REL: variants seen among roughly 807,000 people sequenced by gnomAD.
REL encodes the protein REL proto-oncogene, NF-kB subunit.
A neutral mutation model predicts 45.9 loss-of-function variants in REL; 15 were observed. The ratio of observed to expected loss-of-function variants is 0.33; its 90% confidence interval spans 0.22 to 0.50. The LOEUF is 0.50. Among genes scored for constraint, REL ranks in the 20% least tolerant of loss-of-function variants. The pLI is 0.98. For missense variants in REL, 601 were observed against 715.2 expected (o/e 0.84, Z 1.82); for synonymous variants, 239 against 242.1 (o/e 0.99, Z 0.12).
intron 3 of REL, among the ~76,000 whole-genome samples, chr2:60,896,773 C>G (rs1174282465): frequency 6.6e-6 from 1 of 152,146 alleles, no homozygotes; most frequent in Non-Finnish European, 1.5e-5. Context: ...TCCTGCTTTT[C>G]TGGCTGTTCT....
Position 60,916,953 on chromosome 2 carries a change from T to C in REL, c.471T>C (p.Pro157=). ...GACTGTGTTTTCAAGTTTTTCTCCCTGATGAACATGGTAATTTGACGACTG... is the reference window on the plus strand; with the variant it reads ...GACTGTGTTTTCAAGTTTTTCTCCCCGATGAACATGGTAATTTGACGACTG... ...VVRLCFQVFL[P]DEHGNLTTAL... The change falls in exon 5 of 10, where the codon CCT becomes CCC. Residue 157 remains proline (P), a synonymous_variant. Coordinates refer to ENST00000394479, the MANE Select transcript of REL (RefSeq NM_001291746.2). 1.9e-6 allele frequency: 3 copies of C among 1,613,492 alleles called. No individual in the cohort carries two copies. Among genetic ancestry groups the C allele is most frequent in the Non-Finnish European group, 1.7e-6 (2 of 1,179,508 alleles).
In REL at chr2:60,891,669, T is replaced by C. The variant is rs770040915; in HGVS notation, c.11-14T>C. 1 of 1,587,770 alleles carries C rather than the reference T, an allele frequency of 6.3e-7. No homozygotes were observed. The highest frequency in any genetic ancestry group is 1.1e-5 in the South Asian group (1 of 87,542). ...TTAATCTCACTGACCTCCTCCTTTTTAAAAACTTTTCAGGTGCGTATAACC... is the reference window on the plus strand; with the variant it reads ...TTAATCTCACTGACCTCCTCCTTTTCAAAAACTTTTCAGGTGCGTATAACC... On this transcript the variant is annotated splice_polypyrimidine_tract_variant and intron_variant, in intron 1 of 9. Coordinates refer to ENST00000394479, the MANE Select transcript of REL (RefSeq NM_001291746.2).
Position 60,922,652 on chromosome 2 carries a change from G to T in REL, c.*117G>T. The T allele has an allele frequency of 7.3e-7, 1 of 1,361,434 alleles. No homozygotes were observed. Among genetic ancestry groups the T allele is most frequent in the Admixed American group, 3.2e-5 (1 of 31,120 alleles). 84.3% of individuals were successfully genotyped at this position (1,361,434 alleles called of 1,614,324 possible). ...ATACTGTATATATAATACTGACTGAGAATATAATACTGTATTTGAGAATAT... is the reference window on the plus strand; with the variant it reads ...ATACTGTATATATAATACTGACTGATAATATAATACTGTATTTGAGAATAT... On this transcript the variant is annotated 3_prime_UTR_variant, in exon 10 of 10. Coordinates refer to ENST00000394479, the MANE Select transcript of REL (RefSeq NM_001291746.2).
intron 4 of REL, among the ~76,000 whole-genome samples, 180 bp downstream of exon 4, chr2:60,901,263 C>G (rs1335650034): frequency 6.9e-6 from 1 of 145,134 alleles, no homozygotes; most frequent in Non-Finnish European, 1.5e-5. Context: ...TCAAGCAATT[C>G]TCCTGCCTCA....
chr2:60,903,247 T>A (rs986016241), intron 4 of REL, among the ~76,000 whole-genome samples: 2 of 152,238 alleles, frequency 1.3e-5, no homozygotes, highest in Admixed American at 1.3e-4. Flanking sequence ...CCAAGACTTT[T>A]GTTATTTAAC....
Position 60,927,177 on chromosome 2 carries a change from T to C in REL, c.*4642T>C, listed in dbSNP as rs1674287119. 4.4e-6 allele frequency: 1 copy of C among 225,940 alleles called. No individual in the cohort carries two copies. The highest frequency in any genetic ancestry group is 8.8e-6 in the Non-Finnish European group (1 of 113,628). 14.0% of individuals were successfully genotyped at this position (225,940 alleles called of 1,614,324 possible). ...CCAGCACCCAGCATAGTCCCTAGTA[T>C]ACTAGTTGGTGCTGAATAAATAGTA... On this transcript the variant is annotated 3_prime_UTR_variant, in exon 10 of 10. Transcript: ENST00000394479.
intron 4 of REL, among the ~76,000 whole-genome samples, chr2:60,915,139 C>G (rs1387785870): frequency 6.6e-6 from 1 of 151,958 alleles, no homozygotes. Context: ...CCAGTTTGTT[C>G]TCTTTTATTG....
chr2:60,894,143 A>G (rs1673289199), intron 2 of REL, among the ~76,000 whole-genome samples: 1 of 152,162 alleles, frequency 6.6e-6, no homozygotes, highest in South Asian at 2.1e-4. Context: ...CTTGTTTTGA[A>G]AGGAAAATAA....
chr2:60,893,143 TA>T (rs1402964375), intron 2 of REL, among the ~76,000 whole-genome samples: 3 of 152,248 alleles, frequency 2.0e-5, no homozygotes, highest in African/African-American at 7.2e-5. Flanking sequence ...TTAAAAACTT[TA>T]ATGGCAAAGT....
chr2:60,916,794 C>T lies in REL; in HGVS notation c.395-83C>T, dbSNP rs900613418. On this transcript the variant is annotated intron_variant, in intron 4 of 9. Coordinates refer to ENST00000394479, the MANE Select transcript of REL (RefSeq NM_001291746.2). Reference sequence around the variant, plus strand: ...TTTGGATGCTATTCAAGGTTATTGGCTATAATGGGCAGGGAGGAGGACCTA... The same window carrying T: ...TTTGGATGCTATTCAAGGTTATTGGTTATAATGGGCAGGGAGGAGGACCTA... 3.1e-5 allele frequency: 26 copies of T among 841,740 alleles called. No individual in the cohort carries two copies. In the African/African-American group the frequency reaches 4.4e-4, roughly 14 times the overall value. 52.1% of individuals were successfully genotyped at this position (841,740 alleles called of 1,614,324 possible). A position where few individuals can be genotyped will look rare whatever the true frequency, so the allele number is the denominator to read the frequency against.
Position 60,894,519 on chromosome 2 carries a change from A to G in REL, c.276A>G (p.Glu92=). 1 of 1,603,814 alleles carries G rather than the reference A, an allele frequency of 6.2e-7. No homozygotes were observed. Among genetic ancestry groups the G allele is most frequent in the Non-Finnish European group, 8.5e-7 (1 of 1,174,966 alleles). The change falls in exon 3 of 10, where the codon GAA becomes GAG. Residue 92 remains glutamate (E), a synonymous_variant. Transcript: ENST00000394479. ...GCAGAGACGGCTACTATGAAGCAGAATTTGGACAAGAACGCAGACCTTTGT... is the reference window on the plus strand; with the variant it reads ...GCAGAGACGGCTACTATGAAGCAGAGTTTGGACAAGAACGCAGACCTTTGT... ...KDCRDGYYEA[E]FGQERRPLFF...
At chr2:60,892,354 C>T (rs1436436316) in intron 2 of REL, among the ~76,000 whole-genome samples, 1 of 152,136 alleles carries the variant, frequency 6.6e-6, no homozygotes, top group African/African-American at 2.4e-5. Context: ...TTCACATTAG[C>T]ATAAATTTTA....
Position 60,927,090 on chromosome 2 carries a change from G to GTA in REL, c.*4556_*4557dup, listed in dbSNP as rs1237928159. On this transcript the variant is annotated 3_prime_UTR_variant, in exon 10 of 10. Transcript: ENST00000394479. ...GCCTCCTTACTTGAGGTGAAGCTTT[G>GTA]TACATGCCTGTATTACGGACATCCT... 1 of 227,102 alleles carries GTA rather than the reference G, an allele frequency of 4.4e-6. No homozygotes were observed. Among genetic ancestry groups the GTA allele is most frequent in the African/African-American group, 2.2e-5 (1 of 44,952 alleles). The allele number at this position is 227,102 out of a possible 1,614,324, so 14.1% of individuals were successfully genotyped here. A position where few individuals can be genotyped will look rare whatever the true frequency, so the allele number is the denominator to read the frequency against.
At chr2:60,919,358 G>A (rs572231264) in intron 7 of REL, among the ~76,000 whole-genome samples, 2 of 151,044 alleles carry the variant, frequency 1.3e-5, no homozygotes, top group South Asian at 2.1e-4. Context: ...CCTCAGCCTC[G>A]TGAGTACCTG....
Position 60,930,927 on chromosome 2 carries a change from T to C in REL, c.*8392T>C. 1 of 152,358 alleles carries C rather than the reference T, an allele frequency of 6.6e-6. No homozygotes were observed. Among genetic ancestry groups the C allele is most frequent in the East Asian group, 1.9e-4 (1 of 5,346 alleles). 9.4% of individuals were successfully genotyped at this position (152,358 alleles called of 1,614,324 possible). On this transcript the variant is annotated 3_prime_UTR_variant, in exon 10 of 10. Transcript: ENST00000394479. ...GTAATTAGTACAGCATGTTGCTTCT[T>C]CAACAAATTGAGTTTTCAGGGAAAT...
At position 60,906,916 on chromosome 2, in the gene REL, T is replaced by A. The variant is rs903298430; in HGVS notation, c.394+5833T>A. ...GTGTATATATATATATATATATATT[T>A]TTTTTTTTTTTTTCTTTTCCGAGAC... is the stretch of plus-strand genomic sequence containing the variant. On this transcript the variant is annotated intron_variant, in intron 4 of 9. Transcript: ENST00000394479. Among the ~76,000 whole-genome samples the A allele has an allele frequency of 1.6e-3, 225 of 143,630 alleles. 1 individual carries two copies. Among genetic ancestry groups the A allele is most frequent in the East Asian group, 3.6e-3 (18 of 5,008 alleles). The allele number at this position is 143,630 out of a possible 152,430, so 94.2% of individuals were successfully genotyped here.
Position 60,916,860 on chromosome 2 carries a change from T to A in REL, c.395-17T>A, listed in dbSNP as rs760396521. On this transcript the variant is annotated splice_polypyrimidine_tract_variant and intron_variant, in intron 4 of 9. Transcript: ENST00000394479. Reference sequence around the variant, plus strand: ...TATGTGACTATTACATTTAAAAAATTTTTTTTTTCTATTCAGTCCCTGAAA... The same window carrying A: ...TATGTGACTATTACATTTAAAAAATATTTTTTTTCTATTCAGTCCCTGAAA... 1 of 1,598,502 alleles carries A rather than the reference T, an allele frequency of 6.3e-7. No individual in the cohort carries two copies. The highest frequency in any genetic ancestry group is 1.7e-5 in the Admixed American group (1 of 58,438).
chr2:60,902,594 TC>T (rs1255060345), intron 4 of REL, among the ~76,000 whole-genome samples: 2 of 149,774 alleles, frequency 1.3e-5, no homozygotes, highest in African/African-American at 2.5e-5. Flanking sequence ...TATTTAGTCA[TC>T]TTTTTTTTTT....
At chr2:60,913,485 T>G (rs1466766776) in intron 4 of REL, among the ~76,000 whole-genome samples, 1 of 152,204 alleles carries the variant, frequency 6.6e-6, no homozygotes, top group African/African-American at 2.4e-5. Context: ...CTTTCATCCC[T>G]GAAATCTGAT....
Sources: allele counts gnomAD v4.1 joint callset (sites outside exome capture counted in the v4.1 genomes callset), GRCh38; gene constraint gnomAD v4.1.1; transcripts MANE v1.5; gene names NCBI Gene and HGNC (gene_info 2026-07-23, HGNC 2026-07-21).